TANGO6: variants seen among roughly 807,000 people sequenced by gnomAD.
The protein encoded by TANGO6 is transport and golgi organization 6 homolog, also known as transport and Golgi organization protein 6 homolog.
In TANGO6, 90 loss-of-function variants were observed where a neutral mutation model predicts 114.2. That is an observed-to-expected ratio of 0.79 (90% CI 0.66 to 0.94). The LOEUF (loss-of-function observed/expected upper bound fraction) is 0.94. TANGO6 is among the 40% of genes least tolerant of loss of function. TANGO6 has a pLI of 0.00. For missense variants in TANGO6, 1,274 were observed against 1,315.3 expected (o/e 0.97, Z 0.49); for synonymous variants, 477 against 509.8 (o/e 0.94, Z 0.87).
intron 17 of TANGO6, among the ~76,000 whole-genome samples, chr16:69,055,294 G>C (rs1291624330): frequency 6.6e-6 from 1 of 152,198 alleles, no homozygotes; most frequent in Admixed American, 6.5e-5. Context: ...GAAAAGCAGA[G>C]ATAGAGCTGG....
chr16:69,047,351 G>A (rs747122593), intron 17 of TANGO6, among the ~76,000 whole-genome samples: 1 of 151,922 alleles, frequency 6.6e-6, no homozygotes, highest in Non-Finnish European at 1.5e-5. Context: ...AAAAATTAGC[G>A]AGGCATGATG....
At chr16:68,981,210 C>CTTTTTT (rs553789256) in intron 15 of TANGO6, among the ~76,000 whole-genome samples, 12 of 111,014 alleles carry the variant, frequency 1.1e-4, no homozygotes, top group South Asian at 2.8e-4. Context: ...TTTTCTTTTC[C>CTTTTTT]TTTTTTTTTT....
chr16:68,907,970 G>A (rs1962875309), intron 10 of TANGO6, among the ~76,000 whole-genome samples: 1 of 152,182 alleles, frequency 6.6e-6, no homozygotes, highest in African/African-American at 2.4e-5. Flanking sequence ...ATTTGCAAAG[G>A]AGATTTAGCA....
At chr16:68,904,372 TC>T (rs1161658511) in intron 9 of TANGO6, among the ~76,000 whole-genome samples, 1 of 152,218 alleles carries the variant, frequency 6.6e-6, no homozygotes, top group African/African-American at 2.4e-5. Flanking sequence ...TTTTGGCTTT[TC>T]CTTTAACATA....
intron 17 of TANGO6, among the ~76,000 whole-genome samples, chr16:69,069,701 G>GTGGT (rs1960268095): frequency 6.6e-6 from 1 of 152,054 alleles, no homozygotes; most frequent in African/African-American, 2.4e-5. Context: ...GTCACAATTG[G>GTGGT]TGGTTGATAG....
Position 68,867,188 on chromosome 16 carries a change from CAGT to C in TANGO6, c.966_968del (p.Val323del). ...TTAATGAGACCTAATGGTGTTCAGGCAGTAGTCCGGGGCATTTTGGAAGGAGCA... is the reference window on the plus strand; with the variant it reads ...TTAATGAGACCTAATGGTGTTCAGGCAGTCCGGGGCATTTTGGAAGGAGCA... On this transcript the variant is annotated inframe_deletion, in exon 4 of 18. Coordinates refer to ENST00000261778, the MANE Select transcript of TANGO6 (RefSeq NM_024562.2). The C allele has an allele frequency of 6.2e-7, 1 of 1,613,750 alleles. No homozygotes were observed. Among genetic ancestry groups the C allele is most frequent in the Non-Finnish European group, 8.5e-7 (1 of 1,179,842 alleles).
rs138158405 is a variant in TANGO6, at chr16:69,024,359, C to T, written c.2994+1380C>T. ...TCGGCTTACTGCAACCTCCGCCTCC[C>T]GGGTCCCAGTTCAAGCAGTTCTCCT... On this transcript the variant is annotated intron_variant, in intron 16 of 17. Transcript: ENST00000261778. Among the ~76,000 whole-genome samples the T allele has an allele frequency of 4.3e-3, 659 of 151,952 alleles. 4 individuals carry two copies. The highest frequency in any genetic ancestry group is 0.015 in the African/African-American group (633 of 41,440).
At chr16:68,877,629 A>G (rs1962386020) in intron 5 of TANGO6, among the ~76,000 whole-genome samples, 1 of 151,364 alleles carries the variant, frequency 6.6e-6, no homozygotes, top group Admixed American at 6.6e-5. Context: ...TTTTTTTGAG[A>G]TGGAGTCTCG....
intron 17 of TANGO6, among the ~76,000 whole-genome samples, chr16:69,050,277 G>T (rs1377362909): frequency 6.6e-6 from 1 of 152,100 alleles, no homozygotes; most frequent in Non-Finnish European, 1.5e-5. Flanking sequence ...TATCAAATAT[G>T]AACTCCTATG....
intron 15 of TANGO6, among the ~76,000 whole-genome samples, chr16:68,989,835 T>G (rs1567554480): frequency 6.6e-6 from 1 of 152,220 alleles, no homozygotes; most frequent in Non-Finnish European, 1.5e-5. Context: ...AGTTCAGTTC[T>G]TTTAGCCTTA....
At chr16:68,942,956 G>A (rs1224811192) in intron 14 of TANGO6, among the ~76,000 whole-genome samples, 1 of 148,942 alleles carries the variant, frequency 6.7e-6, no homozygotes, top group Admixed American at 6.7e-5. Context: ...CTGAAGTGCA[G>A]TGGCACAATG....
intron 9 of TANGO6, among the ~76,000 whole-genome samples, chr16:68,905,325 C>G (rs1962835909): frequency 2.0e-5 from 3 of 151,936 alleles, no homozygotes; most frequent in Admixed American, 2.0e-4. Flanking sequence ...ATCACGAGGT[C>G]AGGAGTTTGA....
At chr16:69,060,156 T>C (rs1253765479) in intron 17 of TANGO6, among the ~76,000 whole-genome samples, 1 of 152,170 alleles carries the variant, frequency 6.6e-6, no homozygotes, top group Non-Finnish European at 1.5e-5. Context: ...TGTTATACTT[T>C]TTATGAAAAG....
chr16:68,982,630 C>CTTTGTTTTTTTTTTTT (rs1963848376), intron 15 of TANGO6, among the ~76,000 whole-genome samples: 1 of 105,338 alleles, frequency 9.5e-6, no homozygotes, highest in African/African-American at 4.7e-5. Flanking sequence ...ATGCCCTGGC[C>CTTTGTTTTTTTTTTTT]TTTTTTTTTT....
intron 15 of TANGO6, among the ~76,000 whole-genome samples, chr16:68,999,193 T>C (rs1312250731): frequency 6.6e-6 from 1 of 152,152 alleles, no homozygotes; most frequent in Non-Finnish European, 1.5e-5. Context: ...TTCTCAGACT[T>C]GTATAAGCCT....
At chr16:69,034,628 C>T (rs1044983344) in intron 16 of TANGO6, 1 of 152,232 alleles carries the variant, frequency 6.6e-6, no homozygotes, top group Non-Finnish European at 1.5e-5. Flanking sequence ...TCTAAAGCGA[C>T]GTGGTCTGCG....
chr16:69,007,475 A>G (rs916850552), intron 15 of TANGO6, among the ~76,000 whole-genome samples: 1 of 151,770 alleles, frequency 6.6e-6, no homozygotes, highest in Non-Finnish European at 1.5e-5. Flanking sequence ...TCACTGTGTT[A>G]GCCAGTATGA....
intron 15 of TANGO6, among the ~76,000 whole-genome samples, chr16:68,987,646 A>G (rs960128109): frequency 6.6e-6 from 1 of 152,232 alleles, no homozygotes; most frequent in Non-Finnish European, 1.5e-5. Flanking sequence ...CTGGAATTAT[A>G]GGCATGAGCC....
At chr16:68,980,263 A>G (rs1383938147) in intron 15 of TANGO6, among the ~76,000 whole-genome samples, 1 of 150,876 alleles carries the variant, frequency 6.6e-6, no homozygotes, top group African/African-American at 2.4e-5. Flanking sequence ...TGTTTTTGAC[A>G]CACAGAAGTT....
Sources: gnomAD v4.1 joint callset for allele counts (sites outside exome capture counted in the v4.1 genomes callset) on GRCh38, gnomAD v4.1.1 for gene constraint, MANE v1.5 for transcripts, NCBI Gene and HGNC (gene_info 2026-07-23, HGNC 2026-07-21) for gene names.